Variants in PRKCA observed in about 807,000 individuals in gnomAD.
The protein encoded by PRKCA is protein kinase C alpha type.
A neutral mutation model predicts 87.0 loss-of-function variants in PRKCA; 27 were observed. The ratio of observed to expected loss-of-function variants is 0.31; its 90% CI spans 0.23 to 0.43. The LOEUF is 0.43. Ranked by LOEUF, PRKCA falls within the 20% of genes least tolerant of loss-of-function variation. PRKCA has a pLI of 1.00. For synonymous variants in PRKCA, 329 were observed against 311.1 expected (o/e 1.06, Z -0.61); for missense variants, 518 against 852.3 (o/e 0.61, Z 4.88).
intron 14 of PRKCA, among the ~76,000 whole-genome samples, chr17:66,776,725 C>CT (rs1378319283): frequency 6.6e-6 from 1 of 152,198 alleles, no homozygotes; most frequent in African/African-American, 2.4e-5. Context: ...CTAGTGCACT[C>CT]TTTGACTTTT....
intron 2 of PRKCA, chr17:66,306,376 TTCTTGTCAGAAACTGCTG>T (rs1904818078): frequency 2.6e-6 from 1 of 390,454 alleles, no homozygotes; most frequent in Non-Finnish European, 4.5e-6. Context: ...GCCGAGAACA[TTCTTGTCAGAAACTGCTG>T]TCTTTGTGTG....
chr17:66,460,112 T>C (rs568013944), intron 2 of PRKCA, among the ~76,000 whole-genome samples: 65 of 152,284 alleles, frequency 4.3e-4, no homozygotes, highest in Middle Eastern at 3.4e-3. Context: ...AGTTGTGTTG[T>C]TTTTTTCTAA....
chr17:66,613,024 A>G (rs1970411301), intron 3 of PRKCA, among the ~76,000 whole-genome samples: 1 of 152,232 alleles, frequency 6.6e-6, no homozygotes, highest in Non-Finnish European at 1.5e-5. Context: ...TTAGGCAAAT[A>G]TATACAAGTT....
chr17:66,370,132 C>G (rs1020111592), intron 2 of PRKCA, among the ~76,000 whole-genome samples: 1 of 152,074 alleles, frequency 6.6e-6, no homozygotes, highest in Non-Finnish European at 1.5e-5. Context: ...GGAAGCCTTC[C>G]TGACGGTAAG....
Position 66,778,209 on chromosome 17 carries a change from T to A in PRKCA, c.1605+4142T>A, listed in dbSNP as rs78441835. 642 of 985,208 alleles carry A rather than the reference T, an allele frequency of 6.5e-4. 12 individuals carry two copies. The East Asian group carries it at 0.051, about 79-fold the overall frequency. 61.0% of individuals were successfully genotyped at this position (985,208 alleles called of 1,614,324 possible). The stretch of plus-strand genomic sequence containing the variant: ...TTATATGCATACTTTCAGGTCTCCA[T>A]CATCTCTATTAAAAACGGTGATGGC... On this transcript the variant is annotated intron_variant, in intron 14 of 16. Coordinates refer to ENST00000413366, the MANE Select transcript of PRKCA (RefSeq NM_002737.3).
intron 3 of PRKCA, among the ~76,000 whole-genome samples, chr17:66,640,298 C>T (rs553681921): frequency 2.0e-5 from 3 of 152,262 alleles, no homozygotes; most frequent in South Asian, 2.1e-4. Flanking sequence ...TCTTTAACCA[C>T]GATGGTCTTC....
intron 5 of PRKCA, among the ~76,000 whole-genome samples, chr17:66,678,026 C>T (rs1972383922): frequency 6.6e-6 from 1 of 152,156 alleles, no homozygotes; most frequent in Non-Finnish European, 1.5e-5. Context: ...AGATCTTAAT[C>T]CCTGGAATCT....
chr17:66,419,829 G>T (rs748667049), intron 2 of PRKCA, among the ~76,000 whole-genome samples: 14 of 152,070 alleles, frequency 9.2e-5, no homozygotes, highest in Non-Finnish European at 1.6e-4. Flanking sequence ...GGAGATTGAT[G>T]TCTTGGGGCA....
Position 66,804,181 on chromosome 17 carries a change from A to C in PRKCA, c.*144A>C. 2.7e-6 allele frequency: 3 copies of C among 1,119,774 alleles called. No individual in the cohort carries two copies. Among genetic ancestry groups the C allele is most frequent in the Non-Finnish European group, 3.7e-6 (3 of 812,440 alleles). The allele number at this position is 1,119,774 out of a possible 1,614,324, so 69.4% of individuals were successfully genotyped here. ...GAAAATTGTAGGGTTATTAGTCCAA[A>C]TGTGATCAACTGTTCAGGGTCTCTC... On this transcript the variant is annotated 3_prime_UTR_variant, in exon 17 of 17. Coordinates refer to ENST00000413366, the MANE Select transcript of PRKCA (RefSeq NM_002737.3).
At chr17:66,519,909 C>G (rs951207428) in intron 3 of PRKCA, among the ~76,000 whole-genome samples, 4 of 152,204 alleles carry the variant, frequency 2.6e-5, no homozygotes, top group African/African-American at 9.7e-5. Context: ...GAGTGCAGTT[C>G]TCCTTACCAT....
At position 66,789,076 on chromosome 17, in the gene PRKCA, C is replaced by T. The variant is rs1975470639; in HGVS notation, c.1854+97C>T. ...TTTCTTGGAGAGAGGAGGCCGGTGC[C>T]CCTGGCTTGTACAGGGTGAGGAAAC... On this transcript the variant is annotated intron_variant, in intron 16 of 16. Transcript: ENST00000413366. 16 of 1,467,440 alleles carry T rather than the reference C, an allele frequency of 1.1e-5. 1 individual carries two copies. The South Asian group carries it at 1.8e-4, about 17-fold the overall frequency. 90.9% of individuals were successfully genotyped at this position (1,467,440 alleles called of 1,614,324 possible). A position where few individuals can be genotyped will look rare whatever the true frequency, so the allele number is the denominator to read the frequency against.
chr17:66,321,606 T>A (rs1905666992), intron 2 of PRKCA, among the ~76,000 whole-genome samples: 1 of 152,218 alleles, frequency 6.6e-6, no homozygotes, highest in Admixed American at 6.5e-5. Flanking sequence ...TGCAATGGCA[T>A]GATCTCTGCT....
intron 5 of PRKCA, among the ~76,000 whole-genome samples, chr17:66,650,290 C>G (rs976717340): frequency 3.9e-5 from 6 of 151,988 alleles, no homozygotes; most frequent in African/African-American, 1.5e-4. Context: ...AAGCCCCGAG[C>G]TTTGGTGGTG....
intron 13 of PRKCA, among the ~76,000 whole-genome samples, chr17:66,773,099 G>A (rs2144334005): frequency 6.6e-6 from 1 of 152,170 alleles, no homozygotes; most frequent in South Asian, 2.1e-4. Context: ...CCAAGTAGCT[G>A]GGACTCCAGA....
At chr17:66,655,193 G>A (rs944087361) in intron 5 of PRKCA, among the ~76,000 whole-genome samples, 3 of 152,142 alleles carry the variant, frequency 2.0e-5, no homozygotes, top group Non-Finnish European at 4.4e-5. Context: ...TATGCTTTTG[G>A]GTCATGACTG....
chr17:66,530,976 A>G (rs1252680904), intron 3 of PRKCA, among the ~76,000 whole-genome samples: 1 of 152,124 alleles, frequency 6.6e-6, no homozygotes, highest in Non-Finnish European at 1.5e-5. Flanking sequence ...TCCATTGATT[A>G]CTTAGATTTT....
At chr17:66,497,366 G>A (rs999921791) in intron 3 of PRKCA, among the ~76,000 whole-genome samples, 4 of 151,900 alleles carry the variant, frequency 2.6e-5, no homozygotes, top group East Asian at 1.9e-4. Flanking sequence ...GCGTGGTGGC[G>A]CATCCTGAGA....
intron 8 of PRKCA, among the ~76,000 whole-genome samples, chr17:66,713,049 C>CTTTTTTTTTTTTTT: frequency 9.6e-6 from 1 of 104,432 alleles, no homozygotes; most frequent in Non-Finnish European, 1.8e-5. Context: ...CTTTGTTGTC[C>CTTTTTTTTTTTTTT]TTTTTTTTTT....
chr17:66,305,580 T>C (rs1904772315), intron 1 of PRKCA, among the ~76,000 whole-genome samples: 1 of 152,216 alleles, frequency 6.6e-6, no homozygotes, highest in Non-Finnish European at 1.5e-5. Flanking sequence ...TTTTCTAAGA[T>C]CTGGTTTCTT....
Sources: allele counts gnomAD v4.1 joint callset (sites outside exome capture counted in the v4.1 genomes callset), GRCh38; gene constraint gnomAD v4.1.1; transcripts MANE v1.5; gene names NCBI Gene and HGNC (gene_info 2026-07-23, HGNC 2026-07-21).